DSCAM: variants seen among roughly 807,000 people sequenced by gnomAD.
DSCAM encodes the protein DS cell adhesion molecule.
Under a neutral mutation model 217.7 loss-of-function variants are expected in DSCAM, and 47 were observed. The ratio of observed to expected loss-of-function variants is 0.22; its 90% CI spans 0.17 to 0.28. The LOEUF (loss-of-function observed/expected upper bound fraction) is 0.28. Among genes scored for constraint, DSCAM ranks in the 10% least tolerant of loss-of-function variants. The pLI, the probability that DSCAM is intolerant of heterozygous loss-of-function variation, is 1.00. For missense variants in DSCAM, 2,080 were observed against 2,618.3 expected, an observed-to-expected ratio of 0.79 and a Z score of 4.49; for synonymous variants, 1,056 against 1,015.3, an observed-to-expected ratio of 1.04 and a Z score of -0.76.
At chr21:40,075,384 T>G (rs532347887) in intron 26 of DSCAM, among the ~76,000 whole-genome samples, 171 bp from the exon 27 acceptor site, 1 of 152,310 alleles carries the variant, frequency 6.6e-6, no homozygotes, top group African/African-American at 2.4e-5. Flanking sequence ...CTTATTTATT[T>G]CCCTCCCTCT....
intron 3 of DSCAM, among the ~76,000 whole-genome samples, chr21:40,521,903 T>C (rs1237213104): frequency 6.6e-6 from 1 of 152,252 alleles, no homozygotes; most frequent in East Asian, 1.9e-4. Flanking sequence ...ATGGATATGC[T>C]AATTATCCTG....
intron 3 of DSCAM, among the ~76,000 whole-genome samples, chr21:40,422,678 T>G (rs79121692): frequency 6.6e-6 from 1 of 152,124 alleles, no homozygotes; most frequent in Non-Finnish European, 1.5e-5. Context: ...GTAAAGTCTA[T>G]TTTTTAAAAA....
At chr21:40,403,300 C>CTT (rs200979884) in intron 3 of DSCAM, among the ~76,000 whole-genome samples, 5 of 141,660 alleles carry the variant, frequency 3.5e-5, no homozygotes, top group African/African-American at 5.2e-5. Context: ...ATTAGTAAAT[C>CTT]TTTTTTTTTT....
At chr21:40,534,361 T>C (rs1328646941) in intron 3 of DSCAM, among the ~76,000 whole-genome samples, 1 of 152,216 alleles carries the variant, frequency 6.6e-6, no homozygotes, top group African/African-American at 2.4e-5. Context: ...AAAGTAAATG[T>C]CATTTGTGAC....
intron 1 of DSCAM, among the ~76,000 whole-genome samples, chr21:40,769,883 C>G (rs2091429583): frequency 6.6e-6 from 1 of 152,164 alleles, no homozygotes; most frequent in Non-Finnish European, 1.5e-5. Context: ...TGCCCCTTAC[C>G]CTTGATGTCT....
intron 3 of DSCAM, among the ~76,000 whole-genome samples, chr21:40,487,898 G>T (rs946317905): frequency 6.6e-6 from 1 of 152,180 alleles, no homozygotes; most frequent in African/African-American, 2.4e-5. Context: ...AGAGGCCATT[G>T]CCAGTTGATT....
At chr21:40,037,748 A>G (rs1262420705) in intron 32 of DSCAM, among the ~76,000 whole-genome samples, 15 of 145,390 alleles carry the variant, frequency 1.0e-4, no homozygotes, top group Non-Finnish European at 2.0e-4. Context: ...GAGGCATCAC[A>G]CTACCTGACT....
At chr21:40,370,257 A>T (rs895210003) in intron 3 of DSCAM, among the ~76,000 whole-genome samples, 1 of 122,810 alleles carries the variant, frequency 8.1e-6, no homozygotes, top group East Asian at 3.6e-4. Flanking sequence ...TTTTACTTTA[A>T]AAAAAAAAAA....
chr21:40,038,931 G>A lies in DSCAM; in HGVS notation c.5686+3440C>T, dbSNP rs868192204. 7.3e-3 allele frequency among the ~76,000 whole-genome samples: 1,078 copies of A among 148,146 alleles called. 7 individuals carry two copies. Among genetic ancestry groups the A allele is most frequent in the African/African-American group, 0.023 (939 of 40,160 alleles). ...CTATCGCAAGAACAAAAAACCAAAC[G>A]CCGCATATTCTCACTCATAGGTGGG... On this transcript the variant is annotated intron_variant, in intron 32 of 32. Coordinates refer to ENST00000400454, the MANE Select transcript of DSCAM (RefSeq NM_001389.5).
intron 32 of DSCAM, among the ~76,000 whole-genome samples, chr21:40,015,004 T>C (rs760168): frequency 0.31 from 46,993 of 152,160 alleles, 7,845 homozygotes; most frequent in Middle Eastern, 0.47. Flanking sequence ...CTGGCCACCC[T>C]TTCTCACTTT....
At chr21:40,059,729 C>T (rs9647185) in intron 28 of DSCAM, among the ~76,000 whole-genome samples, 11,868 of 152,150 alleles carry the variant, frequency 0.078, 585 homozygotes, top group East Asian at 0.15. Flanking sequence ...GAAAACAAAG[C>T]GGTAAAATGA....
intron 1 of DSCAM, among the ~76,000 whole-genome samples, chr21:40,789,662 T>A (rs2091622763): frequency 6.6e-6 from 1 of 151,580 alleles, no homozygotes; most frequent in Non-Finnish European, 1.5e-5. Context: ...TTCACGCCAT[T>A]CTCCTGCCTC....
At chr21:40,029,739 A>G (rs1192053087) in intron 32 of DSCAM, among the ~76,000 whole-genome samples, 1 of 152,110 alleles carries the variant, frequency 6.6e-6, no homozygotes, top group African/African-American at 2.4e-5. Context: ...GGTATCTGTC[A>G]TGTTGGCTCT....
chr21:40,116,797 T>C (rs2089976077), intron 20 of DSCAM, among the ~76,000 whole-genome samples: 1 of 149,936 alleles, frequency 6.7e-6, no homozygotes, highest in Admixed American at 6.6e-5. Flanking sequence ...GGTCAGGAGA[T>C]CGAGACCATC....
chr21:40,842,616 T>C (rs901663980), intron 1 of DSCAM, among the ~76,000 whole-genome samples: 19 of 152,262 alleles, frequency 1.2e-4, no homozygotes, highest in African/African-American at 3.6e-4. Context: ...TTAATACGCA[T>C]TGAATTGAGT....
intron 3 of DSCAM, among the ~76,000 whole-genome samples, chr21:40,559,320 C>T (rs1415544361): frequency 3.9e-5 from 6 of 151,988 alleles, no homozygotes; most frequent in East Asian, 1.9e-4. Flanking sequence ...TAGCCGGGCG[C>T]GGTGGCGGGC....
intron 3 of DSCAM, among the ~76,000 whole-genome samples, chr21:40,533,638 CATCT>C (rs1376223254): frequency 8.6e-5 from 11 of 127,696 alleles, no homozygotes; most frequent in African/African-American, 3.8e-4. Flanking sequence ...ACCCTCCATC[CATCT>C]GTCCATCCAT....
chr21:40,719,611 A>T (rs2090880174), intron 1 of DSCAM, among the ~76,000 whole-genome samples: 1 of 152,274 alleles, frequency 6.6e-6, no homozygotes. Flanking sequence ...GAATCACTAC[A>T]TACTGATAAC....
At chr21:40,346,183 C>T (rs1025179381) in intron 6 of DSCAM, among the ~76,000 whole-genome samples, 2 of 152,174 alleles carry the variant, frequency 1.3e-5, no homozygotes, top group Non-Finnish European at 2.9e-5. Flanking sequence ...TCATCATTAG[C>T]AAACTGGTTC....
Sources: allele counts gnomAD v4.1 joint callset (sites outside exome capture counted in the v4.1 genomes callset), GRCh38; gene constraint gnomAD v4.1.1; transcripts MANE v1.5; gene names NCBI Gene and HGNC (gene_info 2026-07-23, HGNC 2026-07-21).